The following ARHGEF1 variants were observed in gnomAD, a reference collection of about 807,000 sequenced individuals.
ARHGEF1 encodes the protein Rho guanine nucleotide exchange factor 1, also known as 115 kDa guanine nucleotide exchange factor.
Under a neutral mutation model 119.7 loss-of-function variants are expected in ARHGEF1, and 40 were observed. The observed-to-expected ratio is 0.33, with a 90% CI of 0.26 to 0.44. The LOEUF (loss-of-function observed/expected upper bound fraction) is 0.44, where lower values mean the gene tolerates loss of function less well. ARHGEF1 is among the 20% of genes least tolerant of loss of function. The pLI is 1.00. For missense variants in ARHGEF1, 976 were observed against 1,268.3 expected (o/e 0.77, Z 3.50); for synonymous variants, 494 against 521.0 (o/e 0.95, Z 0.71).
chr19:41,926,512 C>T (rs1215427589), intron 1 of ARHGEF1, among the ~76,000 whole-genome samples: 1 of 152,096 alleles, frequency 6.6e-6, no homozygotes, highest in East Asian at 1.9e-4. Context: ...GGTCTGCCAC[C>T]TCGATTTCTC....
intron 18 of ARHGEF1, among the ~76,000 whole-genome samples, chr19:41,914,513 CTA>C (rs2074775068): frequency 6.6e-6 from 1 of 151,754 alleles, no homozygotes; most frequent in Non-Finnish European, 1.5e-5. Context: ...CTCTGTCTCC[CTA>C]TGACTTTCTC....
chr19:41,918,437 T>C (rs536739922), upstream of ARHGEF1, among the ~76,000 whole-genome samples: 34 of 108,258 alleles, frequency 3.1e-4, no homozygotes, highest in African/African-American at 1.5e-3. Flanking sequence ...CACACACACA[T>C]AAATACACCA....
chr19:41,915,990 T>C (rs2074799007), intron 18 of ARHGEF1, among the ~76,000 whole-genome samples: 2 of 151,798 alleles, frequency 1.3e-5, no homozygotes, highest in Admixed American at 1.3e-4. Flanking sequence ...CAAGCTTTAA[T>C]TTTTAATTTT....
rs2074652872 is a variant in ARHGEF1, at chr19:41,904,186, C to T, written c.1994-30C>T. 1 of 1,612,338 alleles carries T rather than the reference C, an allele frequency of 6.2e-7. No individual in the cohort carries two copies. The highest frequency in any genetic ancestry group is 8.5e-7 in the Non-Finnish European group (1 of 1,178,842). The stretch of plus-strand genomic sequence containing the variant: ...GGGCGGGGAGGGGGTCGCGCGGGGG[C>T]ACGCCGTGTGAGCACTGCTCGCCCC... On this transcript the variant is annotated intron_variant, in intron 21 of 28. Transcript: ENST00000354532. This position sits in a 1 kb window ranked among gnomAD's most constrained non-coding sequence, Gnocchi z 8.4.
Position 41,906,580 on chromosome 19 carries a change from A to G in ARHGEF1, c.2615A>G (p.Glu872Gly). 1 of 1,604,614 alleles carries G rather than the reference A, an allele frequency of 6.2e-7. No homozygotes were observed. Among genetic ancestry groups the G allele is most frequent in the South Asian group, 1.1e-5 (1 of 89,996 alleles). ...CCAGCACGGACCCAGGAAATCCAGGAGAACCTGCTCAGCTTGGAGGAGACC... is the reference window on the plus strand; with the variant it reads ...CCAGCACGGACCCAGGAAATCCAGGGGAACCTGCTCAGCTTGGAGGAGACC... ...LSPARTQEIQ[E>G]NLLSLEETMK... is the part of the protein sequence containing the mutation. The change falls in exon 27 of 29, where the codon GAG (glutamate) becomes GGG (glycine). Residue 872 changes from glutamate to glycine, a missense_variant. Glu to Gly is a moderately conservative substitution (Grantham distance 98). Coordinates refer to ENST00000354532, the MANE Select transcript of ARHGEF1 (RefSeq NM_004706.4). This position sits in a 1 kb window ranked among gnomAD's most constrained non-coding sequence, Gnocchi z 4.5.
intron 1 of ARHGEF1, among the ~76,000 whole-genome samples, chr19:41,884,124 A>C (rs1404226596): frequency 2.0e-5 from 3 of 152,108 alleles, no homozygotes; most frequent in African/African-American, 7.2e-5. Context: ...TGGGGTGACT[A>C]GGAGATCTCC....
At chr19:41,921,313 G>A (rs1288791624), upstream of ARHGEF1, among the ~76,000 whole-genome samples, 2 of 152,152 alleles carry the variant, frequency 1.3e-5, no homozygotes, top group Non-Finnish European at 2.9e-5. The surrounding 1 kb of genome is among the most constrained non-coding windows in gnomAD (Gnocchi z 4.4). Context: ...GGTGGAGCGT[G>A]ATACATGGAG....
At chr19:41,897,292 A>C (rs1555848025) in intron 13 of ARHGEF1, 1 of 1,277,294 alleles carries the variant, frequency 7.8e-7, no homozygotes. Flanking sequence ...CCCACCTCTG[A>C]CCCTGTGCCC....
chr19:41,897,309 C>T (rs1555848039), intron 13 of ARHGEF1: 1 of 1,275,820 alleles, frequency 7.8e-7, no homozygotes, highest in Non-Finnish European at 1.0e-6. Flanking sequence ...GCCCCTCTCT[C>T]CCCAGAAGGT....
At chr19:41,891,990 A>G in intron 4 of ARHGEF1, 35 bp from the exon 5 acceptor site, 1 of 1,543,672 alleles carries the variant, frequency 6.5e-7, no homozygotes, top group East Asian at 2.3e-5. Flanking sequence ...AGGCAGGGTG[A>G]GGGAGCGGAG....
rs201815694 is a variant in ARHGEF1 at position 41,898,460 on chromosome 19, G to C, written c.1140G>C (p.Glu380Asp). The C allele has an allele frequency of 3.2e-6, 5 of 1,547,154 alleles. No homozygotes were observed. The highest frequency in any genetic ancestry group is 2.6e-6 in the Non-Finnish European group (3 of 1,145,290). The change falls in exon 14 of 29, where the codon GAG becomes GAC. Residue 380 changes from glutamate (E) to aspartate (D), a missense_variant. Glu to Asp is a conservative substitution (Grantham distance 45). Transcript: ENST00000354532. ...AETESPEPGD[E>D]GEPGRSGLEL... ...TCCACAGCCCCGAGCCTGGAGATGA[G>C]GGGGAGCCGGGGCGGTCGGGACTGG...
At position 41,902,959 on chromosome 19, in the gene ARHGEF1, T is replaced by C. The variant is rs1555849370; in HGVS notation, c.1738+61T>C. ...CTCTTTTTTTTTTACATTTTTTTTC[T>C]CACTCATTTTCATCAGTGATACCAT... On this transcript the variant is annotated intron_variant, in intron 18 of 28. Transcript: ENST00000354532. This position sits in a 1 kb window ranked among gnomAD's most constrained non-coding sequence, Gnocchi z 6.5. 4 of 1,353,576 alleles carry C rather than the reference T, an allele frequency of 3.0e-6. No individual in the cohort carries two copies. Among genetic ancestry groups the C allele is most frequent in the Non-Finnish European group, 3.0e-6 (3 of 1,000,834 alleles). 83.8% of individuals were successfully genotyped at this position (1,353,576 alleles called of 1,614,324 possible).
At chr19:41,918,767 AC>A (rs1222853627), upstream of ARHGEF1, among the ~76,000 whole-genome samples, 1 of 148,676 alleles carries the variant, frequency 6.7e-6, no homozygotes, top group African/African-American at 2.5e-5. Context: ...ATATACATCT[AC>A]CACACACATA....
chr19:41,893,932 G>C (rs2074427122), intron 8 of ARHGEF1, among the ~76,000 whole-genome samples: 1 of 144,634 alleles, frequency 6.9e-6, no homozygotes, highest in Admixed American at 6.9e-5. Flanking sequence ...GGAGGAGGGG[G>C]CTGGGGGCCT....
In ARHGEF1 at chr19:41,892,322, CTT is replaced by C. The variant is rs1435621299; in HGVS notation, c.325-8_325-7del. The C allele has an allele frequency of 1.9e-6, 3 of 1,613,900 alleles. No individual in the cohort carries two copies. The highest frequency in any genetic ancestry group is 2.7e-5 in the African/African-American group (2 of 75,050). On this transcript the variant is annotated splice_region_variant and splice_polypyrimidine_tract_variant and intron_variant, in intron 5 of 28. Coordinates refer to ENST00000354532, the MANE Select transcript of ARHGEF1 (RefSeq NM_004706.4). The surrounding 1 kb of genome is among the most constrained non-coding windows in gnomAD (Gnocchi z 6.3). ...TCCTCCTCTTCACCCCATTCTCTCT[CTT>C]GAGCAGGTTCTCCGGGTGCCGGTCC...
At chr19:41,898,266 C>T (rs1599651306) in intron 13 of ARHGEF1, 176 bp from the exon 14 acceptor site, 2 of 1,301,992 alleles carry the variant, frequency 1.5e-6, no homozygotes, top group East Asian at 2.6e-5. Flanking sequence ...GGGTAGAATG[C>T]TTCTAGAGAT....
Position 41,883,387 on chromosome 19 carries a change from G to C in ARHGEF1, c.-20+98G>C, listed in dbSNP as rs1447784256. On this transcript the variant is annotated intron_variant, in intron 1 of 28. Coordinates refer to ENST00000354532, the MANE Select transcript of ARHGEF1 (RefSeq NM_004706.4). This position sits in a 1 kb window ranked among gnomAD's most constrained non-coding sequence, Gnocchi z 7.6. ...CTGGGGCGCTGCCGGCAGCGGAGGG[G>C]CCCCCTTCGGACCCCACGGAACCAG... is the stretch of plus-strand genomic sequence containing the variant. 5 of 154,910 alleles carry C rather than the reference G, an allele frequency of 3.2e-5. No individual in the cohort carries two copies. Among genetic ancestry groups the C allele is most frequent in the African/African-American group, 1.2e-4 (5 of 41,486 alleles). 9.6% of individuals were successfully genotyped at this position (154,910 alleles called of 1,614,324 possible).
chr19:41,914,595 CATCTCT>C lies in ARHGEF1; in HGVS notation c.1865+7793_1865+7798del, dbSNP rs1201067191. 5.3e-4 allele frequency among the ~76,000 whole-genome samples: 29 copies of C among 55,096 alleles called. 3 individuals are homozygous for C. The highest frequency in any genetic ancestry group is 8.3e-4 in the African/African-American group (10 of 12,044). The allele number at this position is 55,096 out of a possible 152,430, so 36.1% of individuals were successfully genotyped here. ...TCTCCGTCTCTCCCTCCCTTTCCAC[CATCTCT>C]GTCTCTCCCTCCCCTTCCACCATCT... On this transcript the variant is annotated intron_variant, in intron 18 of 20. Coordinates refer to the ARHGEF1 transcript ENST00000599589.
chr19:41,906,049 G>A lies in ARHGEF1; in HGVS notation c.2491+24G>A. 6.2e-7 allele frequency: 1 copy of A among 1,608,932 alleles called. No homozygotes were observed. Among genetic ancestry groups the A allele is most frequent in the African/African-American group, 1.3e-5 (1 of 74,880 alleles). ...AGGTAGCCCAGCTCTGCCCCTCCAG[G>A]GTGGCCACCAGCCCAAACAGTGCCT... On this transcript the variant is annotated intron_variant, in intron 26 of 28. Transcript: ENST00000354532. The surrounding 1 kb of genome is among the most constrained non-coding windows in gnomAD (Gnocchi z 4.5).
Sources: gnomAD v4.1 joint callset for allele counts (sites outside exome capture counted in the v4.1 genomes callset) on GRCh38, gnomAD v4.1.1 for gene constraint, Gnocchi (gnomAD v3.1) non-coding constraint, MANE v1.5 for transcripts, NCBI Gene and HGNC (gene_info 2026-07-23, HGNC 2026-07-21) for gene names.